Variants in ATOSA observed in about 807,000 individuals in gnomAD.
ATOSA encodes atos homolog A, also known as atos homolog protein A.
At chr15:52,600,261 G>A in the ATOSA span, 2 of 1,383,366 alleles carry the variant, frequency 1.4e-6, no homozygotes, top group Non-Finnish European at 2.0e-6. Flanking sequence ...ATCAGCAAAA[G>A]AACACATTAG....
the ATOSA span, chr15:52,611,590 T>C: frequency 6.2e-7 from 1 of 1,614,008 alleles, no homozygotes; most frequent in Non-Finnish European, 8.5e-7. Context: ...AGGAACTGGC[T>C]CCAAGATCCA....
the ATOSA span, chr15:52,658,498 A>G: frequency 2.7e-6 from 1 of 375,060 alleles, no homozygotes; most frequent in Non-Finnish European, 4.7e-6. Context: ...TTTTAACTAC[A>G]GCACCTAAGA....
At chr15:52,619,976 G>A in the ATOSA span, among the ~76,000 whole-genome samples, 1 of 152,206 alleles carries the variant, frequency 6.6e-6, no homozygotes, top group Non-Finnish European at 1.5e-5. Flanking sequence ...TGAAAACACA[G>A]TTCTGGGGGT....
chr15:52,666,557 T>C, the ATOSA span, among the ~76,000 whole-genome samples: 1 of 152,192 alleles, frequency 6.6e-6, no homozygotes, highest in Non-Finnish European at 1.5e-5. Flanking sequence ...AACTTGACAC[T>C]GGAGAATTAG....
chr15:52,686,219 A>G, the ATOSA span, among the ~76,000 whole-genome samples: 1 of 152,196 alleles, frequency 6.6e-6, no homozygotes, highest in Non-Finnish European at 1.5e-5. Context: ...GATCCTTTAC[A>G]TCTTTTCATC....
chr15:52,585,885 T>C, the ATOSA span: 1 of 152,188 alleles, frequency 6.6e-6, no homozygotes, highest in African/African-American at 2.4e-5. Context: ...TATATCAATA[T>C]CATAATCCAG....
At chr15:52,645,966 T>C in the ATOSA span, among the ~76,000 whole-genome samples, 2 of 152,242 alleles carry the variant, frequency 1.3e-5, no homozygotes, top group Non-Finnish European at 2.9e-5. Flanking sequence ...TGCTGTTTTT[T>C]TCCCCCAGCT....
chr15:52,662,702 G>A, the ATOSA span, among the ~76,000 whole-genome samples: 7 of 150,850 alleles, frequency 4.6e-5, no homozygotes, highest in African/African-American at 1.2e-4. Flanking sequence ...CCCGGGAGGC[G>A]GAGCTTGCAG....
At chr15:52,701,693 C>T in the ATOSA span, among the ~76,000 whole-genome samples, 1 of 152,256 alleles carries the variant, frequency 6.6e-6, no homozygotes, top group Middle Eastern at 3.4e-3. Context: ...AATTCAGATA[C>T]TATTAAGAAC....
At chr15:52,635,230 G>A in the ATOSA span, among the ~76,000 whole-genome samples, 131,589 of 152,170 alleles carry the variant, frequency 0.86, 57,279 homozygotes, top group East Asian at 1. Flanking sequence ...TTTTTCAATA[G>A]TAATCAATAG....
the ATOSA span, among the ~76,000 whole-genome samples, chr15:52,701,479 T>C: frequency 6.6e-6 from 1 of 152,222 alleles, no homozygotes; most frequent in African/African-American, 2.4e-5. Context: ...ATTTCTTCAA[T>C]CACTAGTACA....
chr15:52,587,923 T>C, the ATOSA span, among the ~76,000 whole-genome samples: 1 of 152,222 alleles, frequency 6.6e-6, no homozygotes, highest in African/African-American at 2.4e-5. Context: ...TATTAAGGTA[T>C]TTTGATTTTG....
the ATOSA span, among the ~76,000 whole-genome samples, chr15:52,639,099 A>G: frequency 6.6e-6 from 1 of 151,354 alleles, no homozygotes; most frequent in Non-Finnish European, 1.5e-5. Flanking sequence ...AAAAAAAAAA[A>G]GTCCACCCGA....
the ATOSA span, among the ~76,000 whole-genome samples, chr15:52,583,687 T>C: frequency 6.6e-6 from 1 of 152,190 alleles, no homozygotes; most frequent in Non-Finnish European, 1.5e-5. Context: ...TGCCCGGCTA[T>C]ACCATGTCTT....
At chr15:52,705,509 T>C in the ATOSA span, among the ~76,000 whole-genome samples, 1 of 146,140 alleles carries the variant, frequency 6.8e-6, no homozygotes, top group Admixed American at 6.9e-5. Context: ...CATAATAATA[T>C]AAAAAGAAAT....
chr15:52,616,871 T>C, the ATOSA span, among the ~76,000 whole-genome samples: 1 of 152,330 alleles, frequency 6.6e-6, no homozygotes, highest in Non-Finnish European at 1.5e-5. Flanking sequence ...AGTAGTTGCC[T>C]GATTCCTGAC....
chr15:52,594,039 A>G, the ATOSA span, among the ~76,000 whole-genome samples: 2 of 152,128 alleles, frequency 1.3e-5, no homozygotes, highest in African/African-American at 2.4e-5. Flanking sequence ...GTTAGGCCTA[A>G]TTGTTTACTA....
the ATOSA span, chr15:52,613,552 T>C: frequency 2.5e-5 from 30 of 1,215,378 alleles, no homozygotes; most frequent in Non-Finnish European, 4.5e-6. Flanking sequence ...TTTTTTCCCT[T>C]TATGATTATG....
the ATOSA span, among the ~76,000 whole-genome samples, chr15:52,643,415 C>T: frequency 6.6e-6 from 1 of 151,820 alleles, no homozygotes; most frequent in African/African-American, 2.4e-5. Flanking sequence ...CCTCAGCCTC[C>T]TGAGTAGCTG....
Sources: allele counts gnomAD v4.1 joint callset (sites outside exome capture counted in the v4.1 genomes callset), GRCh38; gene constraint gnomAD v4.1.1; transcripts MANE v1.5; gene names NCBI Gene and HGNC (gene_info 2026-07-23, HGNC 2026-07-21).